The following EFCAB6 variants were observed in gnomAD, a reference collection of about 807,000 sequenced individuals.
EFCAB6 encodes the protein EF-hand calcium-binding domain-containing protein 6.
Under a neutral mutation model 169.8 loss-of-function variants are expected in EFCAB6, and 156 were observed. The ratio of observed to expected loss-of-function variants is 0.92; its 90% confidence interval spans 0.81 to 1.05. The LOEUF (loss-of-function observed/expected upper bound fraction) is 1.05. Among genes scored for constraint, EFCAB6 ranks in the 50% least tolerant of loss-of-function variants. The pLI, the probability that EFCAB6 is intolerant of heterozygous loss-of-function variation, is 0.00. For missense variants in EFCAB6, 1,800 were observed against 1,829.1 expected (o/e 0.98, Z 0.29); for synonymous variants, 698 against 676.4 (o/e 1.03, Z -0.50).
intron 19 of EFCAB6, among the ~76,000 whole-genome samples, chr22:43,630,511 G>A (rs552317595): frequency 2.6e-5 from 4 of 152,346 alleles, no homozygotes; most frequent in East Asian, 1.9e-4. Context: ...ACTGGGAGAC[G>A]CGAGGAGTGT....
chr22:43,692,683 C>T (rs957257223), intron 10 of EFCAB6, among the ~76,000 whole-genome samples: 5 of 151,642 alleles, frequency 3.3e-5, no homozygotes, highest in African/African-American at 1.2e-4. Flanking sequence ...TGAACCCAAC[C>T]AATATGAAGA....
At chr22:43,529,838 A>T (rs2046951526) in intron 31 of EFCAB6, among the ~76,000 whole-genome samples, 1 of 152,142 alleles carries the variant, frequency 6.6e-6, no homozygotes. Flanking sequence ...ATAAACTTTC[A>T]CCTTAAGCTG....
At chr22:43,776,914 G>T (rs957290236) in intron 3 of EFCAB6, among the ~76,000 whole-genome samples, 6 of 152,174 alleles carry the variant, frequency 3.9e-5, no homozygotes, top group Admixed American at 3.3e-4. Flanking sequence ...TGGCTGCTAT[G>T]TAAAGAATGG....
intron 15 of EFCAB6, among the ~76,000 whole-genome samples, chr22:43,669,278 G>C (rs1048309500): frequency 2.0e-5 from 3 of 152,264 alleles, no homozygotes; most frequent in Middle Eastern, 3.4e-3. Flanking sequence ...TACATATACA[G>C]CTTTATTGGT....
intron 2 of EFCAB6, among the ~76,000 whole-genome samples, chr22:43,804,840 T>G (rs2062858870): frequency 6.6e-6 from 1 of 151,822 alleles, no homozygotes. Flanking sequence ...GAAACATGAT[T>G]TGGTTTTTTG....
intron 17 of EFCAB6, among the ~76,000 whole-genome samples, chr22:43,636,154 G>T (rs753083105): frequency 1.3e-5 from 2 of 152,200 alleles, no homozygotes; most frequent in African/African-American, 2.4e-5. Context: ...AACAGGGGAC[G>T]GAAGGCTTTC....
In EFCAB6 at chr22:43,606,085, T is replaced by C. The variant is rs891398396; in HGVS notation, c.2681+2397A>G. Among the ~76,000 whole-genome samples, 2 of 152,200 alleles carry C rather than the reference T, an allele frequency of 1.3e-5. 1 individual carries two copies. Among genetic ancestry groups the C allele is most frequent in the South Asian group, 4.1e-4 (2 of 4,834 alleles). On this transcript the variant is annotated intron_variant, in intron 22 of 31. Transcript: ENST00000262726. ...AAAGGGATTCACTGAAGGGAGGAAG[T>C]AGAGGAATTACCAGCCCAAGAACTG... is the stretch of plus-strand genomic sequence containing the variant.
chr22:43,757,445 G>A (rs1283968954), intron 5 of EFCAB6, among the ~76,000 whole-genome samples: 1 of 152,154 alleles, frequency 6.6e-6, no homozygotes, highest in Non-Finnish European at 1.5e-5. Flanking sequence ...TACTTAGGAG[G>A]CTGAGGCAAG....
At chr22:43,764,758 A>C (rs1343121721) in intron 5 of EFCAB6, among the ~76,000 whole-genome samples, 1 of 152,234 alleles carries the variant, frequency 6.6e-6, no homozygotes, top group African/African-American at 2.4e-5. Flanking sequence ...TCATACACTA[A>C]AATAAATAAT....
intron 10 of EFCAB6, among the ~76,000 whole-genome samples, chr22:43,689,896 A>C (rs2058343080): frequency 6.6e-6 from 1 of 152,158 alleles, no homozygotes; most frequent in Non-Finnish European, 1.5e-5. Flanking sequence ...TCTTTCTATG[A>C]TCCAAGACAA....
chr22:43,594,057 C>T (rs749019072), intron 23 of EFCAB6, among the ~76,000 whole-genome samples: 1 of 151,968 alleles, frequency 6.6e-6, no homozygotes, highest in Non-Finnish European at 1.5e-5. Context: ...GGGCGGATCA[C>T]CTGAGGTCGG....
chr22:43,577,778 C>A (rs897858899), intron 25 of EFCAB6, among the ~76,000 whole-genome samples: 1 of 152,022 alleles, frequency 6.6e-6, no homozygotes, highest in African/African-American at 2.4e-5. Flanking sequence ...GGCTGGGCTG[C>A]CCCTCCTCAC....
At chr22:43,532,791 G>A (rs1438919416) in intron 30 of EFCAB6, among the ~76,000 whole-genome samples, 2 of 152,186 alleles carry the variant, frequency 1.3e-5, no homozygotes, top group Non-Finnish European at 2.9e-5. Flanking sequence ...CCAGGCAGGT[G>A]TGGCCCTTGG....
chr22:43,635,495 G>A lies in EFCAB6; in HGVS notation c.1984-279C>T, dbSNP rs889363797. 2.0e-5 allele frequency among the ~76,000 whole-genome samples: 3 copies of A among 152,266 alleles called. No individual in the cohort carries two copies. In the East Asian group the frequency reaches 5.8e-4, roughly 29 times the overall value. ...GTGCCACTGCAGACTTTTCCAAGCCGTGCCATCCAAGATACCCAAAGCCAC... is the reference window on the plus strand; with the variant it reads ...GTGCCACTGCAGACTTTTCCAAGCCATGCCATCCAAGATACCCAAAGCCAC... On this transcript the variant is annotated intron_variant, in intron 17 of 31. Coordinates refer to ENST00000262726, the MANE Select transcript of EFCAB6 (RefSeq NM_022785.4).
chr22:43,703,172 A>G (rs2058828063), intron 10 of EFCAB6, among the ~76,000 whole-genome samples: 1 of 152,172 alleles, frequency 6.6e-6, no homozygotes, highest in Non-Finnish European at 1.5e-5. Flanking sequence ...CCAGCCCAAT[A>G]TAAGGCAACT....
At chr22:43,614,396 AAT>A (rs1205900080) in intron 21 of EFCAB6, among the ~76,000 whole-genome samples, 3 of 152,120 alleles carry the variant, frequency 2.0e-5, no homozygotes, top group Admixed American at 1.3e-4. Context: ...CTTTTCAATA[AAT>A]GGTGCTGGAA....
intron 12 of EFCAB6, among the ~76,000 whole-genome samples, chr22:43,682,872 C>A (rs1340306329): frequency 6.6e-6 from 1 of 152,192 alleles, no homozygotes; most frequent in East Asian, 1.9e-4. Context: ...GTTCCTGAAT[C>A]CACACTGTGC....
chr22:43,625,430 G>A (rs1476155518), intron 20 of EFCAB6, among the ~76,000 whole-genome samples: 1 of 152,210 alleles, frequency 6.6e-6, no homozygotes, highest in Non-Finnish European at 1.5e-5. Context: ...GAGATGACTT[G>A]CTACTTCATT....
chr22:43,561,054 C>T lies in EFCAB6; in HGVS notation c.3421-5958G>A, dbSNP rs376336620. On this transcript the variant is annotated intron_variant, in intron 26 of 31. Coordinates refer to ENST00000262726, the MANE Select transcript of EFCAB6 (RefSeq NM_022785.4). The stretch of plus-strand genomic sequence containing the variant: ...TGCAAAAGGAAGTATTGCGTGTTCA[C>T]TATAGAAAACTTAGAAACTACAGGC... 9.9e-5 allele frequency among the ~76,000 whole-genome samples: 15 copies of T among 152,276 alleles called. No individual in the cohort carries two copies. The East Asian group carries it at 2.7e-3, about 27-fold the overall frequency.
Sources: gnomAD v4.1 joint callset for allele counts (sites outside exome capture counted in the v4.1 genomes callset) on GRCh38, gnomAD v4.1.1 for gene constraint, MANE v1.5 for transcripts, NCBI Gene and HGNC (gene_info 2026-07-23, HGNC 2026-07-21) for gene names.